Variants in FGF12 observed in about 807,000 individuals in gnomAD.
FGF12 encodes the protein fibroblast growth factor 12B.
Under a neutral mutation model 23.6 loss-of-function variants are expected in FGF12, and 14 were observed. The observed-to-expected ratio is 0.59, with a 90% CI of 0.39 to 0.93. The LOEUF (loss-of-function observed/expected upper bound fraction) is 0.93, where lower values mean the gene tolerates loss of function less well. Among genes scored for constraint, FGF12 ranks in the 40% least tolerant of loss-of-function variants. The pLI is 0.00. For synonymous variants in FGF12, 62 were observed against 77.3 expected, an observed-to-expected ratio of 0.80 and a Z score of 1.04; for missense variants, 175 against 217.8, an observed-to-expected ratio of 0.80 and a Z score of 1.24.
At chr3:192,292,674 G>GTC (rs928095699) in intron 4 of FGF12, among the ~76,000 whole-genome samples, 7 of 152,100 alleles carry the variant, frequency 4.6e-5, no homozygotes, top group Admixed American at 1.3e-4. Context: ...TGTAAAGTCA[G>GTC]TCTCTCTCTC....
intron 2 of FGF12, among the ~76,000 whole-genome samples, chr3:192,366,713 A>T (rs1361213841): frequency 6.6e-6 from 1 of 152,194 alleles, no homozygotes; most frequent in Non-Finnish European, 1.5e-5. Context: ...GAGGGTATAA[A>T]TGACTGTCAT....
intron 2 of FGF12, among the ~76,000 whole-genome samples, chr3:192,425,033 C>A (rs781131700): frequency 6.6e-6 from 1 of 151,952 alleles, no homozygotes; most frequent in Non-Finnish European, 1.5e-5. Flanking sequence ...TTTTAAAATG[C>A]TAAGGTAAGA....
At chr3:192,575,712 C>G (rs1712848967) in intron 2 of FGF12, among the ~76,000 whole-genome samples, 2 of 151,564 alleles carry the variant, frequency 1.3e-5, no homozygotes, top group Admixed American at 6.6e-5. Context: ...CTAATTCAGA[C>G]TGATTTTTTT....
At position 192,577,016 on chromosome 3, in the gene FGF12, G is replaced by A. The variant is rs371564649; in HGVS notation, c.13+150165C>T. Reference sequence around the variant, plus strand: ...GTGGGAATTGAACAATGAGAACACCGGGACACAGGGAGGGAACATCACACA... The same window carrying A: ...GTGGGAATTGAACAATGAGAACACCAGGACACAGGGAGGGAACATCACACA... On this transcript the variant is annotated intron_variant, in intron 2 of 5. Transcript: ENST00000445105. Among the ~76,000 whole-genome samples, 30 of 152,150 alleles carry A rather than the reference G, an allele frequency of 2.0e-4. No homozygotes were observed. In the East Asian group the frequency reaches 2.5e-3, roughly 13 times the overall value.
chr3:192,350,371 A>G (rs1718164096), intron 3 of FGF12, among the ~76,000 whole-genome samples: 1 of 152,182 alleles, frequency 6.6e-6, no homozygotes, highest in Non-Finnish European at 1.5e-5. Flanking sequence ...AGTATGGTAT[A>G]TATAAGTAAT....
chr3:192,595,688 T>C (rs560635286), intron 2 of FGF12, among the ~76,000 whole-genome samples: 1 of 152,302 alleles, frequency 6.6e-6, no homozygotes, highest in Admixed American at 6.5e-5. Context: ...GGAAAATCAT[T>C]GTTGTAGTAA....
At chr3:192,264,965 A>G (rs564609510) in intron 4 of FGF12, among the ~76,000 whole-genome samples, 1 of 152,170 alleles carries the variant, frequency 6.6e-6, no homozygotes, top group Non-Finnish European at 1.5e-5. Flanking sequence ...AGTATACAGG[A>G]TATCATCAAT....
At chr3:192,158,332 C>CTTTCTTTCTCTTTCTT (rs1459698854) in intron 5 of FGF12, among the ~76,000 whole-genome samples, 16 of 112,442 alleles carry the variant, frequency 1.4e-4, no homozygotes, top group African/African-American at 5.3e-4. Flanking sequence ...TTCTTTCTTT[C>CTTTCTTTCTCTTTCTT]TCTTTCTTTC....
chr3:192,235,029 T>A, intron 4 of FGF12, among the ~76,000 whole-genome samples: 1 of 152,140 alleles, frequency 6.6e-6, no homozygotes, highest in East Asian at 1.9e-4. Flanking sequence ...CTGCCAGGTT[T>A]TGGTATCAGA....
chr3:192,722,136 T>G (rs1719057118), intron 2 of FGF12, among the ~76,000 whole-genome samples: 1 of 152,156 alleles, frequency 6.6e-6, no homozygotes. Context: ...CTGGACCCCC[T>G]TTGATATTTA....
intron 2 of FGF12, among the ~76,000 whole-genome samples, chr3:192,382,690 T>A (rs1032161601): frequency 6.6e-6 from 1 of 152,222 alleles, no homozygotes; most frequent in Admixed American, 6.5e-5. Flanking sequence ...TGTGTGACAG[T>A]CATAATTCAT....
intron 4 of FGF12, among the ~76,000 whole-genome samples, chr3:192,176,794 T>C (rs377098971): frequency 2.0e-5 from 3 of 152,302 alleles, no homozygotes; most frequent in African/African-American, 7.2e-5. Flanking sequence ...CAACCATTCA[T>C]TTATAGGTTG....
intron 2 of FGF12, among the ~76,000 whole-genome samples, chr3:192,646,266 T>C (rs938394477): frequency 6.6e-6 from 1 of 151,952 alleles, no homozygotes; most frequent in Non-Finnish European, 1.5e-5. Flanking sequence ...GAAGTCAACG[T>C]TTAATAAAAG....
At chr3:192,523,702 C>T (rs770997286) in intron 2 of FGF12, among the ~76,000 whole-genome samples, 10 of 152,334 alleles carry the variant, frequency 6.6e-5, no homozygotes, top group African/African-American at 1.2e-4. Flanking sequence ...ATTCACTGCA[C>T]ATTTAGCGAG....
intron 2 of FGF12, among the ~76,000 whole-genome samples, chr3:192,567,517 C>T (rs1052696942): frequency 1.1e-4 from 16 of 152,010 alleles, no homozygotes; most frequent in South Asian, 8.3e-4. Context: ...TTTTCTAGGG[C>T]GGCTTTAAAA....
At chr3:192,378,080 T>TTCTTTCTTTCTTTCTTTCTTTCTG (rs1719638249) in intron 2 of FGF12, among the ~76,000 whole-genome samples, 2 of 105,810 alleles carry the variant, frequency 1.9e-5, no homozygotes, top group African/African-American at 3.8e-5. Context: ...CTTTCTTTCT[T>TTCTTTCTTTCTTTCTTTCTTTCTG]TCTTTCTTTC....
intron 2 of FGF12, among the ~76,000 whole-genome samples, chr3:192,506,724 A>C (rs1385263956): frequency 3.3e-5 from 5 of 151,686 alleles, no homozygotes; most frequent in Non-Finnish European, 7.4e-5. Flanking sequence ...CTTGCCTGGG[A>C]TGGCTTTAGA....
chr3:192,484,315 TAAAAAAAAAAAAA>T (rs57914760), intron 2 of FGF12, among the ~76,000 whole-genome samples: 1 of 99,668 alleles, frequency 1.0e-5, no homozygotes, highest in African/African-American at 3.0e-5. Flanking sequence ...TCCATTTTCC[TAAAAAAAAAAAAA>T]AAAAAAAAAA....
chr3:192,227,386 T>TA (rs952787197), intron 4 of FGF12, among the ~76,000 whole-genome samples: 7 of 152,016 alleles, frequency 4.6e-5, no homozygotes, highest in Non-Finnish European at 8.8e-5. Context: ...TCCTTTGCTT[T>TA]TATGAGGATG....
Sources: allele counts gnomAD v4.1 joint callset (sites outside exome capture counted in the v4.1 genomes callset), GRCh38; gene constraint gnomAD v4.1.1; transcripts MANE v1.5; gene names NCBI Gene and HGNC (gene_info 2026-07-23, HGNC 2026-07-21).